The following TRIM39 variants were observed in gnomAD, a reference collection of about 807,000 sequenced individuals.
TRIM39 encodes the protein tripartite motif containing 39, also known as E3 ubiquitin-protein ligase TRIM39.
TRIM39 carries 5 observed loss-of-function variants against 53.6 expected under a neutral mutation model. That is an observed-to-expected ratio of 0.09 (90% CI 0.05 to 0.20). The LOEUF is 0.20. TRIM39 is among the 10% of genes least tolerant of loss of function. The pLI, the probability that TRIM39 is intolerant of heterozygous loss-of-function variation, is 1.00. For synonymous variants in TRIM39, 196 were observed against 237.6 expected (o/e 0.82, Z 1.61); for missense variants, 310 against 621.0 (o/e 0.50, Z 5.32).
chr6:30,335,746 G>A lies in TRIM39; in HGVS notation c.551G>A (p.Arg184Lys), dbSNP rs1786774675. The A allele has an allele frequency of 3.1e-6, 5 of 1,612,730 alleles. No individual in the cohort carries two copies. The highest frequency in any genetic ancestry group is 2.2e-5 in the South Asian group (2 of 90,982). ...ACAACATCTTCCCTCTCTTCTCAGA[G>A]ACTAGTGGAAAGTCGCCGACAGCAG... The change falls in exon 5 of 8, where the codon AGA (arginine) becomes AAA (lysine). Residue 184 changes from arginine to lysine, a missense_variant and splice_region_variant. Around this residue, in one of 5 missense-constraint regions of TRIM39, gnomAD observed 161 missense variants for 210.0 expected, o/e 0.77. Transcript: ENST00000396551. The surrounding 1 kb of genome is among the most constrained non-coding windows in gnomAD (Gnocchi z 4.7).
At chr6:30,329,214 A>G (rs1317952656) in intron 2 of TRIM39, 97 bp from the exon 3 acceptor site, 1 of 1,378,954 alleles carries the variant, frequency 7.3e-7, no homozygotes, top group Non-Finnish European at 9.8e-7. Flanking sequence ...AGGACTTAAC[A>G]TAGGGATAAA....
At position 30,339,952 on chromosome 6, in the gene TRIM39, C is replaced by CT. The variant is rs1300652437; in HGVS notation, c.803+23dup. The CT allele has an allele frequency of 6.2e-7, 1 of 1,613,976 alleles. No individual in the cohort carries two copies. The highest frequency in any genetic ancestry group is 8.5e-7 in the Non-Finnish European group (1 of 1,180,032). ...AAAAGTAAGTGATTGTTGTATCTCT[C>CT]TGAGTGAGTTAGGTCTTGGCTTAGA... is the stretch of plus-strand genomic sequence containing the variant. On this transcript the variant is annotated intron_variant, in intron 6 of 7. Transcript: ENST00000396551. This position sits in a 1 kb window ranked among gnomAD's most constrained non-coding sequence, Gnocchi z 4.2.
chr6:30,337,266 A>G (rs1045791108), intron 5 of TRIM39, among the ~76,000 whole-genome samples: 2 of 152,156 alleles, frequency 1.3e-5, no homozygotes, highest in African/African-American at 4.8e-5. Flanking sequence ...TTAGCTGGGC[A>G]TGGTGGTGGG....
Position 30,329,303 on chromosome 6 carries a change from C to A in TRIM39, c.-7-8C>A, listed in dbSNP as rs1213207256. 1 of 1,601,178 alleles carries A rather than the reference C, an allele frequency of 6.2e-7. No homozygotes were observed. Among genetic ancestry groups the A allele is most frequent in the East Asian group, 2.2e-5 (1 of 44,694 alleles). The stretch of plus-strand genomic sequence containing the variant: ...TTTATTTTCTCTGTCCTCTTCCCCA[C>A]TCCCAAGTTAAATTATGGCAGAGAC... On this transcript the variant is annotated splice_polypyrimidine_tract_variant and splice_region_variant and intron_variant, in intron 2 of 7. Transcript: ENST00000396551.
chr6:30,335,722 C>A lies in TRIM39; in HGVS notation c.550-23C>A, dbSNP rs2127400999. The A allele has an allele frequency of 6.2e-7, 1 of 1,610,122 alleles. No individual in the cohort carries two copies. Among genetic ancestry groups the A allele is most frequent in the East Asian group, 2.2e-5 (1 of 44,844 alleles). On this transcript the variant is annotated intron_variant, in intron 4 of 7. Transcript: ENST00000396551. The surrounding 1 kb of genome is among the most constrained non-coding windows in gnomAD (Gnocchi z 4.7). Reference sequence around the variant, plus strand: ...TTATACCACACTGACCCTGCTGATACAACATCTTCCCTCTCTTCTCAGAGA... The same window carrying A: ...TTATACCACACTGACCCTGCTGATAAAACATCTTCCCTCTCTTCTCAGAGA...
rs1371870210 is a variant in TRIM39, at chr6:30,338,607, T to C, written c.781-1301T>C. ...CACTGATCACAGATCATACTAGATA[T>C]AATAATGAAAAAGTGTGAAATATTG... On this transcript the variant is annotated intron_variant, in intron 5 of 7. Coordinates refer to ENST00000396551, the Ensembl canonical transcript of TRIM39. This position sits in a 1 kb window ranked among gnomAD's most constrained non-coding sequence, Gnocchi z 4.0. 1.3e-5 allele frequency among the ~76,000 whole-genome samples: 2 copies of C among 149,866 alleles called. No homozygotes were observed. Among genetic ancestry groups the C allele is most frequent in the African/African-American group, 4.9e-5 (2 of 40,552 alleles).
At position 30,335,621 on chromosome 6, in the gene TRIM39, C is replaced by G; in HGVS notation, c.550-124C>G. On this transcript the variant is annotated intron_variant, in intron 4 of 7. Transcript: ENST00000396551. The surrounding 1 kb of genome is among the most constrained non-coding windows in gnomAD (Gnocchi z 4.7). Reference sequence around the variant, plus strand: ...TACAGTCATGTGTCACCACACCCAGCCTTTGTTAAACCATTTTCAATGAAA... The same window carrying G: ...TACAGTCATGTGTCACCACACCCAGGCTTTGTTAAACCATTTTCAATGAAA... 7.7e-7 allele frequency: 1 copy of G among 1,304,370 alleles called. No homozygotes were observed. Among genetic ancestry groups the G allele is most frequent in the Non-Finnish European group, 1.0e-6 (1 of 967,996 alleles). 80.8% of individuals were successfully genotyped at this position (1,304,370 alleles called of 1,614,324 possible). A position where few individuals can be genotyped will look rare whatever the true frequency, so the allele number is the denominator to read the frequency against.
intron 6 of TRIM39, chr6:30,340,204 A>T (rs1787336719): frequency 7.1e-7 from 1 of 1,412,264 alleles, no homozygotes; most frequent in Non-Finnish European, 1.0e-6. Flanking sequence ...AATTGTGTCC[A>T]AACAAGATGG....
At chr6:30,329,115 A>G (rs1785798130) in intron 2 of TRIM39, 74 bp downstream of exon 2, 1 of 625,712 alleles carries the variant, frequency 1.6e-6, no homozygotes, top group Non-Finnish European at 2.6e-6. Context: ...GATGGCTGGG[A>G]GTCACAAGTT....
chr6:30,341,600 T>TCTGG, intron 7 of TRIM39, 112 bp from the exon 8 acceptor site: 1 of 1,460,058 alleles, frequency 6.8e-7, no homozygotes. Flanking sequence ...ACCAGGTTGT[T>TCTGG]CTGGGGACCT....
intron 4 of TRIM39, among the ~76,000 whole-genome samples, chr6:30,331,297 A>AAAAAAAAAAAAAAAAAG (rs1562406038): frequency 6.7e-6 from 1 of 150,102 alleles, no homozygotes. Flanking sequence ...AACAAAAAAA[A>AAAAAAAAAAAAAAAAAG]AAAGAACAAT....
chr6:30,331,435 A>C (rs1181984531), intron 4 of TRIM39, among the ~76,000 whole-genome samples: 3 of 152,234 alleles, frequency 2.0e-5, no homozygotes, highest in African/African-American at 7.2e-5. Flanking sequence ...AATATCTTAC[A>C]TCTGGTGAGC....
Position 30,335,178 on chromosome 6 carries a change from A to G in TRIM39, c.550-567A>G, listed in dbSNP as rs1282423101. Reference sequence around the variant, plus strand: ...ATATATATCCGCAGTGGTCTTCACTACCAAGTCATCAGTAGGGGGGTGATA... The same window carrying G: ...ATATATATCCGCAGTGGTCTTCACTGCCAAGTCATCAGTAGGGGGGTGATA... On this transcript the variant is annotated intron_variant, in intron 4 of 7. Coordinates refer to ENST00000396551, the Ensembl canonical transcript of TRIM39. This position sits in a 1 kb window ranked among gnomAD's most constrained non-coding sequence, Gnocchi z 4.7. Among the ~76,000 whole-genome samples the G allele has an allele frequency of 6.6e-6, 1 of 152,212 alleles. No homozygotes were observed. Among genetic ancestry groups the G allele is most frequent in the Non-Finnish European group, 1.5e-5 (1 of 68,036 alleles).
chr6:30,329,634 T>C, exon 3 of TRIM39: 3 of 1,613,106 alleles, frequency 1.9e-6, no homozygotes, highest in Non-Finnish European at 2.5e-6. Context: ...GATGAGAGCC[T>C]CTGCCCCCAA....
In TRIM39 at chr6:30,342,767, G is replaced by A. The variant is rs1787693669; in HGVS notation, c.*508G>A. On this transcript the variant is annotated 3_prime_UTR_variant, in exon 8 of 8. Coordinates refer to ENST00000396551, the Ensembl canonical transcript of TRIM39. The surrounding 1 kb of genome is among the most constrained non-coding windows in gnomAD (Gnocchi z 4.7). ...TCTAGATATTGAGGAGTTTTTCTGA[G>A]GGCAGAGATTGGACATCAACAAGGC... 6.2e-6 allele frequency: 1 copy of A among 161,582 alleles called. No individual in the cohort carries two copies. Among genetic ancestry groups the A allele is most frequent in the Non-Finnish European group, 1.4e-5 (1 of 73,862 alleles). The allele number at this position is 161,582 out of a possible 1,614,324, so 10.0% of individuals were successfully genotyped here.
chr6:30,329,512 T>C, exon 3 of TRIM39: 1 of 1,613,136 alleles, frequency 6.2e-7, no homozygotes, highest in Non-Finnish European at 8.5e-7. Context: ...GGGACTTCCC[T>C]TGTCCTGTCT....
In TRIM39 at chr6:30,335,870, A is replaced by G; in HGVS notation, c.675A>G (p.Arg225=). The change falls in exon 5 of 8, where the codon CGA becomes CGG. Residue 225 remains arginine, a synonymous_variant. Coordinates refer to ENST00000396551, the Ensembl canonical transcript of TRIM39. This position sits in a 1 kb window ranked among gnomAD's most constrained non-coding sequence, Gnocchi z 4.7. ...AAGAGGAACAGGACATTCTGCAGCG[A>G]CTCCGAGAAAATGCTGCTCACCTTG... The G allele has an allele frequency of 1.9e-6, 3 of 1,611,298 alleles. No homozygotes were observed.
intron 7 of TRIM39, 128 bp from the exon 8 acceptor site, chr6:30,341,584 A>T: frequency 7.2e-7 from 1 of 1,397,926 alleles, no homozygotes; most frequent in South Asian, 1.4e-5. Context: ...TGAGAAAGTT[A>T]ACCAAACCAG....
chr6:30,340,754 CT>C, intron 7 of TRIM39, 134 bp downstream of exon 7: 1 of 914,946 alleles, frequency 1.1e-6, no homozygotes, highest in Non-Finnish European at 1.6e-6. Context: ...CTTTATCTGG[CT>C]TTTAGTCTCA....
Sources: gnomAD v4.1 joint callset for allele counts (sites outside exome capture counted in the v4.1 genomes callset) on GRCh38, gnomAD v4.1.1 for gene constraint, gnomAD v4.1.1 regional missense constraint, Gnocchi (gnomAD v3.1) non-coding constraint, MANE v1.5 for transcripts, NCBI Gene and HGNC (gene_info 2026-07-23, HGNC 2026-07-21) for gene names.